CDH26: variants seen among roughly 807,000 people sequenced by gnomAD.
CDH26 encodes the protein cadherin 26.
A neutral mutation model predicts 90.3 loss-of-function variants in CDH26; 83 were observed. The ratio of observed to expected loss-of-function variants is 0.92; its 90% confidence interval spans 0.77 to 1.10. The LOEUF is 1.10. Among genes scored for constraint, CDH26 ranks in the 50% least tolerant of loss-of-function variants. CDH26 has a pLI of 0.00. For synonymous variants in CDH26, 397 were observed against 396.3 expected, an observed-to-expected ratio of 1.00 and a Z score of -0.02; for missense variants, 1,013 against 1,037.6, an observed-to-expected ratio of 0.98 and a Z score of 0.33.
intron 9 of CDH26, among the ~76,000 whole-genome samples, chr20:59,989,904 T>G (rs1205143312): frequency 1.3e-5 from 2 of 152,230 alleles, no homozygotes; most frequent in Non-Finnish European, 2.9e-5. Context: ...TATCCATTTG[T>G]AAGGGTACGG....
rs958793201 is a variant in CDH26 at position 60,000,974 on chromosome 20, A to G, written c.2098-369A>G. Among the ~76,000 whole-genome samples, 5 of 152,208 alleles carry G rather than the reference A, an allele frequency of 3.3e-5. No homozygotes were observed. The East Asian group carries it at 9.6e-4, about 29-fold the overall frequency. On this transcript the variant is annotated intron_variant, in intron 14 of 17. Coordinates refer to ENST00000348616, the MANE Select transcript of CDH26 (RefSeq NM_177980.4). ...GTCACTATTAAAATAACAGAAACCC[A>G]AGGCAGAAAATGCCCACAATCCCAT...
In CDH26 at chr20:60,032,877, T is replaced by C. The variant is rs541640442; in HGVS notation, c.1144-609T>C. Among the ~76,000 whole-genome samples, 396 of 146,156 alleles carry C rather than the reference T, an allele frequency of 2.7e-3. 2 individuals are homozygous for C. Among genetic ancestry groups the C allele is most frequent in the African/African-American group, 8.5e-3 (339 of 39,810 alleles). ...GTGGGGGGAGGGGGGAGGGATAGCA[T>C]TGGGAGATGTACCTAATGCTAGATG... is the stretch of plus-strand genomic sequence containing the variant. On this transcript the variant is annotated intron_variant, in intron 8 of 8. Transcript: ENST00000370991.
intron 7 of CDH26, chr20:59,985,998 T>C (rs2061454594): frequency 6.6e-6 from 1 of 152,242 alleles, no homozygotes; most frequent in Non-Finnish European, 1.5e-5. Flanking sequence ...CTGTGTGCTG[T>C]GGGATATTCA....
chr20:60,021,317 C>A, intron 7 of CDH26, among the ~76,000 whole-genome samples: 1 of 152,200 alleles, frequency 6.6e-6, no homozygotes. Context: ...TTTGTTGGCA[C>A]ACAACCATGC....
At chr20:59,985,232 G>A in intron 7 of CDH26, 103 bp downstream of exon 7, 1 of 1,366,572 alleles carries the variant, frequency 7.3e-7, no homozygotes, top group Non-Finnish European at 1.0e-6. Flanking sequence ...TTATCATATT[G>A]CTGTGAAGAA....
At chr20:59,962,034 C>T (rs1227212400) in intron 1 of CDH26, among the ~76,000 whole-genome samples, 1 of 152,204 alleles carries the variant, frequency 6.6e-6, no homozygotes, top group Admixed American at 6.5e-5. Flanking sequence ...ATTACTCTTT[C>T]AGCCCTTCAT....
chr20:60,015,224 G>C (rs2061895129), downstream of CDH26, among the ~76,000 whole-genome samples: 1 of 152,154 alleles, frequency 6.6e-6, no homozygotes, highest in Admixed American at 6.5e-5. Flanking sequence ...GACCTCAGGT[G>C]ATCCGCCCAC....
At chr20:59,994,823 T>G (rs1055467180) in intron 11 of CDH26, among the ~76,000 whole-genome samples, 1 of 152,138 alleles carries the variant, frequency 6.6e-6, no homozygotes, top group Non-Finnish European at 1.5e-5. Context: ...AGCTGCCCTG[T>G]CAATCACTGT....
At chr20:59,997,228 G>A (rs1025892341) in intron 13 of CDH26, among the ~76,000 whole-genome samples, 17 of 152,274 alleles carry the variant, frequency 1.1e-4, no homozygotes, top group African/African-American at 3.4e-4. Flanking sequence ...CTAGTTAAAT[G>A]AGTCTGAGCT....
chr20:59,965,871 G>A (rs2061142063), intron 1 of CDH26, among the ~76,000 whole-genome samples: 1 of 152,124 alleles, frequency 6.6e-6, no homozygotes, highest in South Asian at 2.1e-4. Flanking sequence ...TCTTTTGCCT[G>A]CACATGATTT....
At chr20:59,963,517 T>C (rs2061104966) in intron 1 of CDH26, among the ~76,000 whole-genome samples, 1 of 152,148 alleles carries the variant, frequency 6.6e-6, no homozygotes, top group South Asian at 2.1e-4. Flanking sequence ...GCTTAACCAA[T>C]ACTTTATACT....
intron 17 of CDH26, among the ~76,000 whole-genome samples, chr20:60,010,219 GC>G (rs1287663713): frequency 1.3e-5 from 2 of 152,104 alleles, no homozygotes; most frequent in Non-Finnish European, 2.9e-5. Context: ...GAGCTTGGAA[GC>G]CCAGGGGTCC....
At chr20:59,998,026 C>T (rs2061622254) in intron 13 of CDH26, among the ~76,000 whole-genome samples, 2 of 152,246 alleles carry the variant, frequency 1.3e-5, no homozygotes, top group South Asian at 4.1e-4. Context: ...AAGATCCAAA[C>T]TCTCCAGATT....
At chr20:59,982,846 T>A in intron 4 of CDH26, 77 bp from the exon 5 acceptor site, 2 of 1,515,058 alleles carry the variant, frequency 1.3e-6, no homozygotes, top group Admixed American at 3.6e-5. Flanking sequence ...TAACACATAA[T>A]TAGGATAACA....
downstream of CDH26, among the ~76,000 whole-genome samples, chr20:60,035,695 G>T (rs1003160956): frequency 1.1e-4 from 16 of 152,250 alleles, no homozygotes; most frequent in Admixed American, 9.2e-4. Flanking sequence ...TTGAGGGAGG[G>T]AGGTGATTGG....
At chr20:60,021,887 C>CATAT (rs1446703881) in intron 7 of CDH26, among the ~76,000 whole-genome samples, 15 of 88,008 alleles carry the variant, frequency 1.7e-4, no homozygotes, top group African/African-American at 5.7e-4. Context: ...CACACACACA[C>CATAT]ACACACACAC....
rs1206778023 is a variant in CDH26, at chr20:60,013,020, G to A, written c.*290G>A. The A allele has an allele frequency of 3.7e-6, 1 of 272,132 alleles. No individual in the cohort carries two copies. Among genetic ancestry groups the A allele is most frequent in the Non-Finnish European group, 7.0e-6 (1 of 143,678 alleles). The allele number at this position is 272,132 out of a possible 1,614,324, so 16.9% of individuals were successfully genotyped here. A position where few individuals can be genotyped will look rare whatever the true frequency, so the allele number is the denominator to read the frequency against. On this transcript the variant is annotated 3_prime_UTR_variant, in exon 18 of 18. Transcript: ENST00000348616. ...TAGCTTCCACTGGCAGCCTAGCTTT[G>A]AGGGTAAATGAAAATATAACCCATA...
At chr20:60,027,936 T>A (rs1243673462) in intron 7 of CDH26, among the ~76,000 whole-genome samples, 5 of 152,250 alleles carry the variant, frequency 3.3e-5, no homozygotes, top group Admixed American at 3.3e-4. Context: ...AGAGGTCTCA[T>A]ACCCTTCACT....
At chr20:60,033,001 T>TAA (rs138384369) in intron 8 of CDH26, among the ~76,000 whole-genome samples, 2 of 147,240 alleles carry the variant, frequency 1.4e-5, no homozygotes, top group African/African-American at 5.0e-5. Flanking sequence ...AGTATAATAA[T>TAA]AAAAAAAAAA....
Sources: gnomAD v4.1 joint callset for allele counts (sites outside exome capture counted in the v4.1 genomes callset) on GRCh38, gnomAD v4.1.1 for gene constraint, MANE v1.5 for transcripts, NCBI Gene and HGNC (gene_info 2026-07-23, HGNC 2026-07-21) for gene names.